The following ADGRG6 variants were observed in gnomAD, a reference collection of about 807,000 sequenced individuals.
ADGRG6 encodes the protein G-protein coupled receptor 126.
In ADGRG6, 84 loss-of-function variants were observed where a neutral mutation model predicts 142.4. The observed-to-expected ratio is 0.59, with a 90% CI of 0.49 to 0.71. The LOEUF is 0.71. Ranked by LOEUF, ADGRG6 falls within the 30% of genes least tolerant of loss-of-function variation. ADGRG6 has a pLI of 0.00. For missense variants in ADGRG6, 1,367 were observed against 1,466.6 expected (o/e 0.93, Z 1.11); for synonymous variants, 521 against 520.5 (o/e 1.00, Z -0.01).
At chr6:142,372,292 T>C (rs1470841358) in intron 4 of ADGRG6, among the ~76,000 whole-genome samples, 1 of 152,246 alleles carries the variant, frequency 6.6e-6, no homozygotes, top group Non-Finnish European at 1.5e-5. Flanking sequence ...ATATACATTT[T>C]AGTCACAGAC....
At chr6:142,440,952 A>C in intron 24 of ADGRG6, 1 of 1,486,674 alleles carries the variant, frequency 6.7e-7, no homozygotes, top group Non-Finnish European at 9.0e-7. Flanking sequence ...TGGATCACTC[A>C]GGTAAACTTT....
chr6:142,381,701 C>T (rs1180384926), intron 4 of ADGRG6, among the ~76,000 whole-genome samples: 1 of 152,144 alleles, frequency 6.6e-6, no homozygotes, highest in Non-Finnish European at 1.5e-5. Flanking sequence ...CTTTAAGGGG[C>T]AGTGGCACTG....
Position 142,402,724 on chromosome 6 carries a change from GT to G in ADGRG6, c.1850del (p.Val617GlyfsTer9), listed in dbSNP as rs1775585271. The G allele has an allele frequency of 6.2e-7, 1 of 1,600,952 alleles. No homozygotes were observed. ...TNIVEQVKRI[V>X]NKEENIDITL... ...CATTGTGGAACAGGTCAAAAGAATT[GT>G]GAATAAAGAAGAAAACATTGATATA... On this transcript the variant is annotated frameshift_variant, in exon 13 of 25. Transcript: ENST00000367609. LOFTEE classifies it high-confidence loss of function.
At chr6:142,335,515 G>A (rs1288816952) in intron 2 of ADGRG6, among the ~76,000 whole-genome samples, 1 of 152,124 alleles carries the variant, frequency 6.6e-6, no homozygotes, top group Admixed American at 6.5e-5. Context: ...ATGGAAATAC[G>A]TGGAGAGAAA....
At position 142,438,203 on chromosome 6, in the gene ADGRG6, T is replaced by G; in HGVS notation, c.3422-9T>G. The G allele has an allele frequency of 6.4e-7, 1 of 1,566,166 alleles. No homozygotes were observed. The highest frequency in any genetic ancestry group is 8.7e-7 in the Non-Finnish European group (1 of 1,156,030). ...CAGATTGATAGGGTGATGTCATTTT[T>G]TTTTTCAGATTGGAGTAAGACAGCT... On this transcript the variant is annotated splice_polypyrimidine_tract_variant and intron_variant, in intron 23 of 24. Coordinates refer to ENST00000367609, the MANE Select transcript of ADGRG6 (RefSeq NM_198569.3).
intron 2 of ADGRG6, among the ~76,000 whole-genome samples, chr6:142,351,719 C>T (rs1397369732): frequency 6.6e-6 from 1 of 152,098 alleles, no homozygotes; most frequent in Non-Finnish European, 1.5e-5. Context: ...GATTAATAAG[C>T]TTCTGCACAG....
chr6:142,377,154 CG>C (rs965648398), intron 4 of ADGRG6, among the ~76,000 whole-genome samples: 3 of 152,046 alleles, frequency 2.0e-5, no homozygotes, highest in African/African-American at 7.2e-5. Flanking sequence ...AGCTAGAACC[CG>C]GGTTCTTGTC....
At chr6:142,343,444 TACTC>T (rs1348359410) in intron 2 of ADGRG6, among the ~76,000 whole-genome samples, 1 of 151,808 alleles carries the variant, frequency 6.6e-6, no homozygotes, top group Non-Finnish European at 1.5e-5. Flanking sequence ...GACCTTTACT[TACTC>T]TTTTAAAAAA....
intron 4 of ADGRG6, 77 bp from the exon 5 acceptor site, chr6:142,381,874 C>T (rs913508845): frequency 2.6e-5 from 23 of 895,320 alleles, no homozygotes; most frequent in Middle Eastern, 4.4e-4. Context: ...GCTTCTATTA[C>T]ATCAACCGTA....
intron 22 of ADGRG6, among the ~76,000 whole-genome samples, chr6:142,426,181 C>G (rs1420897480): frequency 6.6e-6 from 1 of 152,186 alleles, no homozygotes; most frequent in Non-Finnish European, 1.5e-5. Flanking sequence ...CAAAAGTCCA[C>G]AGTCCTACGT....
At chr6:142,332,887 C>T (rs377283773) in intron 2 of ADGRG6, among the ~76,000 whole-genome samples, 22 of 152,240 alleles carry the variant, frequency 1.4e-4, no homozygotes, top group South Asian at 6.2e-4. Context: ...TTCTGTCAGA[C>T]GCCTGGAAAG....
intron 22 of ADGRG6, among the ~76,000 whole-genome samples, chr6:142,422,165 CTT>C (rs111608922): frequency 1.4e-4 from 20 of 146,178 alleles, no homozygotes; most frequent in African/African-American, 5.0e-4. Context: ...AATTTTTTCT[CTT>C]TTTTTTTTTA....
intron 2 of ADGRG6, among the ~76,000 whole-genome samples, chr6:142,336,563 T>C (rs1013206696): frequency 6.6e-6 from 1 of 152,186 alleles, no homozygotes; most frequent in African/African-American, 2.4e-5. Context: ...CTACTGATAA[T>C]CAAATATAGC....
At chr6:142,347,706 C>G (rs1302887329) in intron 2 of ADGRG6, among the ~76,000 whole-genome samples, 5 of 152,082 alleles carry the variant, frequency 3.3e-5, no homozygotes, top group African/African-American at 1.2e-4. Flanking sequence ...TGGTAACAGT[C>G]AAGTCTTATT....
intron 10 of ADGRG6, among the ~76,000 whole-genome samples, chr6:142,400,104 GA>G (rs1055293051): frequency 2.6e-5 from 4 of 151,916 alleles, no homozygotes; most frequent in African/African-American, 4.8e-5. Flanking sequence ...TTTCCCCTTT[GA>G]AAAAAATCAA....
chr6:142,409,085 TAA>T (rs1404562357), intron 16 of ADGRG6, among the ~76,000 whole-genome samples: 1 of 152,196 alleles, frequency 6.6e-6, no homozygotes, highest in African/African-American at 2.4e-5. Flanking sequence ...TCAATAGCAT[TAA>T]GTGTGTTCAC....
chr6:142,428,890 T>A (rs184034615), intron 22 of ADGRG6, among the ~76,000 whole-genome samples: 1 of 152,288 alleles, frequency 6.6e-6, no homozygotes, highest in Admixed American at 6.5e-5. Flanking sequence ...TTTTGTTGAT[T>A]TTTTTCCTGC....
At position 142,415,923 on chromosome 6, in the gene ADGRG6, G is replaced by C. The variant is rs756405743; in HGVS notation, c.2797G>C (p.Val933Leu). Residue 933 changes from valine (V) to leucine (L), a missense_variant, in exon 20 of 25, where the codon GTT becomes CTT. This residue lies in a region of ADGRG6 where 286 missense variants were observed against 371.4 expected (regional missense o/e 0.77). Transcript: ENST00000367609. ...SFNVDGLCIA[V>L]AVLLHFFLLA... Reference sequence around the variant, plus strand: ...CAATGTGGATGGACTTTGCATTGCTGTTGCAGTCCTGTTGCATTTCTTCCT... The same window carrying C: ...CAATGTGGATGGACTTTGCATTGCTCTTGCAGTCCTGTTGCATTTCTTCCT... 4.3e-6 allele frequency: 7 copies of C among 1,613,572 alleles called. No homozygotes were observed. Among genetic ancestry groups the C allele is most frequent in the South Asian group, 3.3e-5 (3 of 91,082 alleles).
intron 11 of ADGRG6, among the ~76,000 whole-genome samples, chr6:142,401,329 A>G (rs1775512725): frequency 6.6e-6 from 1 of 152,194 alleles, no homozygotes; most frequent in Admixed American, 6.6e-5. Context: ...TTGATTTACC[A>G]AATTCCATTT....
Sources: gnomAD v4.1 joint callset for allele counts (sites outside exome capture counted in the v4.1 genomes callset) on GRCh38, gnomAD v4.1.1 for gene constraint, gnomAD v4.1.1 regional missense constraint, MANE v1.5 for transcripts, NCBI Gene and HGNC (gene_info 2026-07-23, HGNC 2026-07-21) for gene names.